The following PITPNM2 variants were observed in gnomAD, a reference collection of about 807,000 sequenced individuals.
The protein encoded by PITPNM2 is membrane-associated phosphatidylinositol transfer protein 2.
Under a neutral mutation model 132.2 loss-of-function variants are expected in PITPNM2, and 35 were observed. That is an observed-to-expected ratio of 0.26 (90% CI 0.20 to 0.35). PITPNM2 has a LOEUF of 0.35. Among genes scored for constraint, PITPNM2 ranks in the 10% least tolerant of loss-of-function variants. The pLI, the probability that PITPNM2 is intolerant of heterozygous loss-of-function variation, is 1.00. For synonymous variants in PITPNM2, 738 were observed against 799.2 expected, an observed-to-expected ratio of 0.92 and a Z score of 1.29; for missense variants, 1,332 against 1,912.0, an observed-to-expected ratio of 0.70 and a Z score of 5.66.
intron 2 of PITPNM2, among the ~76,000 whole-genome samples, chr12:123,039,274 C>T (rs2040378784): frequency 6.6e-6 from 1 of 151,862 alleles, no homozygotes; most frequent in African/African-American, 2.4e-5. Context: ...TAAATAAATA[C>T]ATAAAATTCA....
chr12:123,005,784 CA>C lies in PITPNM2; in HGVS notation c.644-237del. 1 of 555,294 alleles carries C rather than the reference CA, an allele frequency of 1.8e-6. No homozygotes were observed. Among genetic ancestry groups the C allele is most frequent in the Non-Finnish European group, 3.2e-6 (1 of 314,096 alleles). 34.4% of individuals were successfully genotyped at this position (555,294 alleles called of 1,614,324 possible). ...CTATAATTAGAGTGGAGGGGCCTCC[CA>C]AAGCAATGTGTCCGGTCAGAAGCCA... is the stretch of plus-strand genomic sequence containing the variant. On this transcript the variant is annotated intron_variant, in intron 6 of 25. Coordinates refer to ENST00000320201, the MANE Select transcript of PITPNM2 (RefSeq NM_020845.3). The surrounding 1 kb of genome is among the most constrained non-coding windows in gnomAD (Gnocchi z 6.2).
At chr12:123,007,862 C>T (rs1329792691) in intron 6 of PITPNM2, among the ~76,000 whole-genome samples, 2 of 152,128 alleles carry the variant, frequency 1.3e-5, no homozygotes, top group Non-Finnish European at 2.9e-5. Context: ...GCTGTCCCAA[C>T]CCCCAGGAGT....
intron 2 of PITPNM2, among the ~76,000 whole-genome samples, chr12:123,073,286 C>T (rs896302688): frequency 3.9e-5 from 6 of 152,174 alleles, no homozygotes; most frequent in African/African-American, 1.4e-4. Flanking sequence ...TCTACACTAC[C>T]CAAAAGCAGC....
At chr12:122,988,013 G>A in intron 20 of PITPNM2, 112 bp from the exon 21 acceptor site, 1 of 1,028,726 alleles carries the variant, frequency 9.7e-7, no homozygotes, top group Non-Finnish European at 1.5e-6. Context: ...GAGCTGCGCA[G>A]CCCATGTCTG....
chr12:123,049,418 G>A lies in PITPNM2; in HGVS notation c.-95-14733C>T, dbSNP rs569023720. The stretch of plus-strand genomic sequence containing the variant: ...TCCCGTGTGCCCTGTCTGCCTGCTC[G>A]TGAGCCATAGCTCCTCCATCGCCAC... On this transcript the variant is annotated intron_variant, in intron 2 of 25. Coordinates refer to ENST00000320201, the MANE Select transcript of PITPNM2 (RefSeq NM_020845.3). Among the ~76,000 whole-genome samples, 6 of 152,146 alleles carry A rather than the reference G, an allele frequency of 3.9e-5. No homozygotes were observed. The East Asian group carries it at 1.2e-3, about 29-fold the overall frequency.
chr12:122,999,229 G>A (rs2038553803), intron 10 of PITPNM2, among the ~76,000 whole-genome samples: 1 of 152,128 alleles, frequency 6.6e-6, no homozygotes, highest in Non-Finnish European at 1.5e-5. Context: ...GGAAGGCTGG[G>A]CTGCCCTCAC....
chr12:123,086,882 G>C (rs1046800818), intron 2 of PITPNM2, among the ~76,000 whole-genome samples: 7 of 152,240 alleles, frequency 4.6e-5, no homozygotes, highest in African/African-American at 1.7e-4. Context: ...AAAGGTCTCA[G>C]AGCAGGTCCC....
At chr12:122,989,239 C>T (rs1295212479) in intron 18 of PITPNM2, among the ~76,000 whole-genome samples, 1 of 152,192 alleles carries the variant, frequency 6.6e-6, no homozygotes, top group Non-Finnish European at 1.5e-5. Flanking sequence ...CTATCTTCCC[C>T]CAGGCCTCAA....
intron 2 of PITPNM2, among the ~76,000 whole-genome samples, chr12:123,096,637 G>A (rs575063095): frequency 5.9e-5 from 9 of 152,262 alleles, no homozygotes; most frequent in Middle Eastern, 6.8e-3. Context: ...CCACAGGCCC[G>A]GGGGCATCTG....
chr12:123,072,946 C>T (rs540471881), intron 2 of PITPNM2, among the ~76,000 whole-genome samples: 1 of 152,330 alleles, frequency 6.6e-6, no homozygotes, highest in Admixed American at 6.5e-5. Flanking sequence ...AGGGAAGGAG[C>T]CTGACTTCCG....
chr12:123,005,706 T>C lies in PITPNM2; in HGVS notation c.644-158A>G. 4.5e-6 allele frequency: 3 copies of C among 670,264 alleles called. No homozygotes were observed. In the East Asian group the frequency reaches 8.0e-5, roughly 18 times the overall value. 41.5% of individuals were successfully genotyped at this position (670,264 alleles called of 1,614,324 possible). A position where few individuals can be genotyped will look rare whatever the true frequency, so the allele number is the denominator to read the frequency against. ...GCCTGTCTGTGCCTCAGTTTCCCCA[T>C]TTGTAAAATAAGGGGACTGGCTCAC... is the stretch of plus-strand genomic sequence containing the variant. On this transcript the variant is annotated intron_variant, in intron 6 of 25. Coordinates refer to ENST00000320201, the MANE Select transcript of PITPNM2 (RefSeq NM_020845.3). The surrounding 1 kb of genome is among the most constrained non-coding windows in gnomAD (Gnocchi z 6.2).
At position 123,031,230 on chromosome 12, in the gene PITPNM2, A is replaced by T. The variant is rs1406268995; in HGVS notation, c.78+3283T>A. On this transcript the variant is annotated intron_variant, in intron 3 of 25. Coordinates refer to ENST00000320201, the MANE Select transcript of PITPNM2 (RefSeq NM_020845.3). This position sits in a 1 kb window ranked among gnomAD's most constrained non-coding sequence, Gnocchi z 4.5. ...CAAAAGAATTTCTTCCAAATGCTAT[A>T]GAGACCTGATAGCCTGAGCCCCGTC... 6.6e-6 allele frequency among the ~76,000 whole-genome samples: 1 copy of T among 152,262 alleles called. No individual in the cohort carries two copies. The highest frequency in any genetic ancestry group is 2.1e-4 in the South Asian group (1 of 4,836).
At chr12:123,053,881 A>C (rs2040939411) in intron 2 of PITPNM2, among the ~76,000 whole-genome samples, 1 of 152,106 alleles carries the variant, frequency 6.6e-6, no homozygotes, top group Non-Finnish European at 1.5e-5. Context: ...TATTACTATC[A>C]GGATATTGAC....
intron 2 of PITPNM2, among the ~76,000 whole-genome samples, chr12:123,051,484 G>A (rs1033832179): frequency 3.3e-5 from 5 of 152,110 alleles, no homozygotes; most frequent in South Asian, 2.1e-4. Flanking sequence ...GTTCTGTTTC[G>A]TTGTTCAAAT....
chr12:123,062,304 T>C (rs937231984), intron 2 of PITPNM2, among the ~76,000 whole-genome samples: 1 of 152,144 alleles, frequency 6.6e-6, no homozygotes, highest in East Asian at 1.9e-4. Flanking sequence ...AGGGAGGTGG[T>C]AATACGTCCA....
At chr12:123,136,704 TG>T (rs2043389494) in intron 1 of PITPNM2, among the ~76,000 whole-genome samples, 1 of 152,048 alleles carries the variant, frequency 6.6e-6, no homozygotes, top group African/African-American at 2.4e-5. Context: ...GACACCATCC[TG>T]GCTAATGCAG....
intron 3 of PITPNM2, among the ~76,000 whole-genome samples, chr12:123,016,766 C>A (rs1003095738): frequency 2.6e-5 from 4 of 152,104 alleles, no homozygotes; most frequent in African/African-American, 9.7e-5. Flanking sequence ...GTTTAGTAGG[C>A]CAGGTGCGGT....
rs1053568545 is a variant in PITPNM2, at chr12:123,111,591, GGTGT to G, written c.-199-1107_-199-1104del. Among the ~76,000 whole-genome samples the G allele has an allele frequency of 2.6e-5, 4 of 152,244 alleles. No homozygotes were observed. Among genetic ancestry groups the G allele is most frequent in the Non-Finnish European group, 5.9e-5 (4 of 68,044 alleles). On this transcript the variant is annotated intron_variant, in intron 1 of 25. Transcript: ENST00000320201. The surrounding 1 kb of genome is among the most constrained non-coding windows in gnomAD (Gnocchi z 4.1). ...TAGCTAGCAATACACAGCAGTGGGA[GGTGT>G]GGCTGCAGGGAGCGGGCGGCTCTTC...
chr12:123,090,520 C>T (rs1274413271), intron 2 of PITPNM2: 5 of 152,080 alleles, frequency 3.3e-5, no homozygotes, highest in African/African-American at 4.8e-5. Flanking sequence ...TGCCAACACA[C>T]CTGGCTAAAT....
Sources: allele counts gnomAD v4.1 joint callset (sites outside exome capture counted in the v4.1 genomes callset), GRCh38; gene constraint gnomAD v4.1.1; non-coding constraint Gnocchi (gnomAD v3.1); transcripts MANE v1.5; gene names NCBI Gene and HGNC (gene_info 2026-07-23, HGNC 2026-07-21).